CADM2: variants seen among roughly 807,000 people sequenced by gnomAD.
CADM2 encodes cell adhesion molecule 2.
CADM2 carries 12 observed loss-of-function variants against 49.8 expected under a neutral mutation model. The ratio of observed to expected loss-of-function variants is 0.24; its 90% CI spans 0.15 to 0.39. The LOEUF (loss-of-function observed/expected upper bound fraction) is 0.39. CADM2 is among the 10% of genes least tolerant of loss of function. The pLI is 1.00. For synonymous variants in CADM2, 214 were observed against 175.4 expected (o/e 1.22, Z -1.74); for missense variants, 378 against 492.3 (o/e 0.77, Z 2.20).
intron 1 of CADM2, among the ~76,000 whole-genome samples, chr3:84,995,575 T>C (rs2033140166): frequency 6.6e-6 from 1 of 152,196 alleles, no homozygotes; most frequent in Non-Finnish European, 1.5e-5. Context: ...CTCAGCTTTT[T>C]CATCTAAAAG....
chr3:86,026,672 T>G (rs1237252088), intron 8 of CADM2, among the ~76,000 whole-genome samples: 3 of 152,162 alleles, frequency 2.0e-5, no homozygotes, highest in African/African-American at 7.2e-5. Flanking sequence ...CTGAAATGCC[T>G]CTTTCATTCT....
At chr3:85,306,110 G>A (rs1463361552) in intron 1 of CADM2, among the ~76,000 whole-genome samples, 1 of 151,560 alleles carries the variant, frequency 6.6e-6, no homozygotes, top group Non-Finnish European at 1.5e-5. Flanking sequence ...TTATCCATAG[G>A]TAGGTTAAAA....
At chr3:84,994,358 G>C (rs1357737402) in intron 1 of CADM2, among the ~76,000 whole-genome samples, 1 of 152,042 alleles carries the variant, frequency 6.6e-6, no homozygotes, top group Non-Finnish European at 1.5e-5. Flanking sequence ...GGTTTTTACT[G>C]ATATTTTGAA....
At chr3:85,635,336 A>G (rs1675528677) in intron 1 of CADM2, among the ~76,000 whole-genome samples, 2 of 152,090 alleles carry the variant, frequency 1.3e-5, no homozygotes, top group African/African-American at 2.4e-5. Flanking sequence ...TGCCTCCACA[A>G]TTCCACATGG....
intron 1 of CADM2, among the ~76,000 whole-genome samples, chr3:85,405,227 T>G (rs1017606288): frequency 6.6e-6 from 1 of 152,202 alleles, no homozygotes; most frequent in South Asian, 2.1e-4. Flanking sequence ...TATGATTTAC[T>G]CAAAATCTCT....
intron 1 of CADM2, among the ~76,000 whole-genome samples, chr3:85,695,126 T>C (rs757537904): frequency 9.9e-5 from 15 of 152,174 alleles, no homozygotes; most frequent in Non-Finnish European, 2.1e-4. Context: ...AATAATGACT[T>C]AAATATTTAT....
At chr3:85,555,648 A>G (rs1204012575) in intron 1 of CADM2, among the ~76,000 whole-genome samples, 1 of 152,118 alleles carries the variant, frequency 6.6e-6, no homozygotes, top group Non-Finnish European at 1.5e-5. Context: ...TAGAAAAAAT[A>G]ATAGTAAATT....
At chr3:85,160,969 AG>A (rs2040304166) in intron 1 of CADM2, among the ~76,000 whole-genome samples, 1 of 152,132 alleles carries the variant, frequency 6.6e-6, no homozygotes, top group Non-Finnish European at 1.5e-5. Context: ...AGACTGTGTC[AG>A]AGGCAAAGAA....
Position 85,581,866 on chromosome 3 carries a change from T to A in CADM2, c.62-144656T>A, listed in dbSNP as rs558557509. Among the ~76,000 whole-genome samples, 4 of 152,210 alleles carry A rather than the reference T, an allele frequency of 2.6e-5. No individual in the cohort carries two copies. The East Asian group carries it at 5.8e-4, about 22-fold the overall frequency. ...TGAACTGAAGGTTTTAAATATATAA[T>A]GTGGTTATGATGAATTTTAAACCAT... On this transcript the variant is annotated intron_variant, in intron 1 of 9. Transcript: ENST00000383699.
intron 1 of CADM2, among the ~76,000 whole-genome samples, chr3:85,366,413 G>C (rs532987656): frequency 1.8e-4 from 27 of 152,282 alleles, no homozygotes; most frequent in African/African-American, 6.3e-4. Flanking sequence ...GTCAGAAGCA[G>C]TTGTATAAAA....
intron 1 of CADM2, among the ~76,000 whole-genome samples, chr3:85,277,791 T>A (rs549328633): frequency 6.6e-6 from 1 of 150,972 alleles, no homozygotes; most frequent in East Asian, 2.0e-4. Flanking sequence ...CAAACAATTC[T>A]TGATAAAATA....
intron 3 of CADM2, among the ~76,000 whole-genome samples, chr3:85,837,444 C>T (rs924811241): frequency 6.6e-6 from 1 of 151,376 alleles, no homozygotes; most frequent in Non-Finnish European, 1.5e-5. Flanking sequence ...AGAGATTTCG[C>T]AATATTAAGG....
At chr3:85,984,369 T>C (rs2108679652) in intron 8 of CADM2, among the ~76,000 whole-genome samples, 1 of 151,686 alleles carries the variant, frequency 6.6e-6, no homozygotes, top group Non-Finnish European at 1.5e-5. Flanking sequence ...TATCATATAA[T>C]TTTAATTTCA....
At chr3:85,894,794 A>C (rs1714992576) in intron 5 of CADM2, among the ~76,000 whole-genome samples, 1 of 152,204 alleles carries the variant, frequency 6.6e-6, no homozygotes, top group Non-Finnish European at 1.5e-5. Context: ...ATGCTGCTTC[A>C]GAGGGTGCAA....
chr3:85,098,276 T>C (rs767114702), intron 1 of CADM2, among the ~76,000 whole-genome samples: 6 of 150,568 alleles, frequency 4.0e-5, no homozygotes, highest in Non-Finnish European at 5.9e-5. Flanking sequence ...AAAAAAGAAG[T>C]ATTTTTTTAA....
chr3:85,774,096 C>T (rs1350924852), intron 2 of CADM2, among the ~76,000 whole-genome samples: 1 of 151,636 alleles, frequency 6.6e-6, no homozygotes, highest in African/African-American at 2.4e-5. Context: ...AGCCTCATAC[C>T]TCTATTTCCT....
chr3:85,907,584 T>C (rs772276785), intron 5 of CADM2, among the ~76,000 whole-genome samples: 1 of 152,142 alleles, frequency 6.6e-6, no homozygotes, highest in African/African-American at 2.4e-5. Flanking sequence ...AAGAGGTCTA[T>C]TTCAGGATCC....
At chr3:85,704,478 C>A (rs527416244) in intron 1 of CADM2, among the ~76,000 whole-genome samples, 1 of 152,236 alleles carries the variant, frequency 6.6e-6, no homozygotes, top group South Asian at 2.1e-4. Context: ...AAGCCCTCAT[C>A]CTGGTTATGG....
At chr3:85,396,716 A>G (rs181544700) in intron 1 of CADM2, among the ~76,000 whole-genome samples, 187 of 152,202 alleles carry the variant, frequency 1.2e-3, no homozygotes, top group African/African-American at 4.4e-3. Context: ...GACATTCCAC[A>G]TGCAAAAAAT....
Sources: gnomAD v4.1 joint callset for allele counts (sites outside exome capture counted in the v4.1 genomes callset) on GRCh38, gnomAD v4.1.1 for gene constraint, MANE v1.5 for transcripts, NCBI Gene and HGNC (gene_info 2026-07-23, HGNC 2026-07-21) for gene names.